POLN: variants seen among roughly 807,000 people sequenced by gnomAD.
POLN encodes DNA polymerase N.
In POLN, 108 loss-of-function variants were observed where a neutral mutation model predicts 113.5. The observed-to-expected ratio is 0.95, with a 90% CI of 0.81 to 1.12. The LOEUF is 1.12. Among genes scored for constraint, POLN ranks in the 50% most tolerant of loss-of-function variants. The pLI is 0.00. For missense variants in POLN, 1,097 were observed against 1,077.1 expected (o/e 1.02, Z -0.26); for synonymous variants, 386 against 391.5 (o/e 0.99, Z 0.17).
intron 16 of POLN, among the ~76,000 whole-genome samples, chr4:2,150,403 C>T (rs1425015942): frequency 1.3e-5 from 2 of 151,970 alleles, no homozygotes; most frequent in East Asian, 3.9e-4. Context: ...GCCAATTCTC[C>T]CCAGATTGAG....
chr4:2,123,624 CAAAAA>C (rs771462226), intron 19 of POLN, among the ~76,000 whole-genome samples: 4 of 54,954 alleles, frequency 7.3e-5, no homozygotes, highest in Admixed American at 2.2e-4. Context: ...GACCCTGTCT[CAAAAA>C]AAAAAAAAAA....
At chr4:2,079,879 C>G in intron 23 of POLN, 1 of 985,604 alleles carries the variant, frequency 1.0e-6, no homozygotes, top group Non-Finnish European at 1.2e-6. Context: ...GCCACTGTGC[C>G]CAGCCGAGAG....
intron 19 of POLN, among the ~76,000 whole-genome samples, chr4:2,114,737 T>C (rs927338575): frequency 1.5e-4 from 23 of 152,210 alleles, no homozygotes; most frequent in African/African-American, 5.3e-4. Flanking sequence ...TTTAACCCAT[T>C]TGGGATTTGG....
chr4:2,147,599 T>C (rs915506098), intron 16 of POLN, among the ~76,000 whole-genome samples: 27 of 150,466 alleles, frequency 1.8e-4, no homozygotes, highest in Non-Finnish European at 3.5e-4. Context: ...TTTGAGACAC[T>C]GAAAGACAAT....
chr4:2,072,944 G>C (rs779695188), intron 25 of POLN, 24 bp downstream of exon 25: 1 of 1,611,308 alleles, frequency 6.2e-7, no homozygotes, highest in Non-Finnish European at 8.5e-7. Context: ...CCGGAAGACC[G>C]GGCAGGCTTA....
At chr4:2,073,090 A>G (rs1730191839) in intron 24 of POLN, 61 bp from the exon 25 acceptor site, 1 of 1,550,692 alleles carries the variant, frequency 6.4e-7, no homozygotes. Flanking sequence ...CTGGGAGCCG[A>G]AGATAAGAGA....
chr4:2,112,547 C>A (rs1731221096), intron 19 of POLN, among the ~76,000 whole-genome samples: 1 of 152,094 alleles, frequency 6.6e-6, no homozygotes, highest in Admixed American at 6.6e-5. Context: ...AAGGAAAAAA[C>A]AAACAACCCC....
intron 6 of POLN, among the ~76,000 whole-genome samples, chr4:2,193,749 G>C (rs1246525915): frequency 6.6e-6 from 1 of 152,030 alleles, no homozygotes; most frequent in African/African-American, 2.4e-5. Context: ...TTTGCTCCTG[G>C]GTCACTGTAT....
intron 9 of POLN, among the ~76,000 whole-genome samples, chr4:2,174,966 G>T (rs1262066744): frequency 1.3e-5 from 2 of 151,916 alleles, no homozygotes; most frequent in Admixed American, 1.3e-4. Flanking sequence ...AGGACTACAG[G>T]CACCCCCCAC....
intron 7 of POLN, among the ~76,000 whole-genome samples, 181 bp downstream of exon 7, chr4:2,193,023 A>T (rs952947377): frequency 6.6e-6 from 1 of 152,146 alleles, no homozygotes; most frequent in Non-Finnish European, 1.5e-5. Flanking sequence ...AAATTCAAAT[A>T]ACCTAGAAAC....
chr4:2,091,016 A>G (rs1245239798), intron 20 of POLN, among the ~76,000 whole-genome samples: 1 of 152,252 alleles, frequency 6.6e-6, no homozygotes, highest in Non-Finnish European at 1.5e-5. Flanking sequence ...CTGTCCCCAC[A>G]GCATCAACTG....
At chr4:2,199,746 T>C (rs967749047) in intron 5 of POLN, among the ~76,000 whole-genome samples, 6 of 148,210 alleles carry the variant, frequency 4.0e-5, no homozygotes, top group African/African-American at 1.3e-4. Context: ...CCAGCTAATT[T>C]TTTTTGTATT....
chr4:2,187,683 A>C (rs1733313989), intron 7 of POLN, among the ~76,000 whole-genome samples: 1 of 152,122 alleles, frequency 6.6e-6, no homozygotes, highest in African/African-American at 2.4e-5. Flanking sequence ...AAGCCCCCAA[A>C]GGTCAAGGAC....
chr4:2,083,845 G>A (rs913998460), intron 21 of POLN, among the ~76,000 whole-genome samples: 2 of 152,200 alleles, frequency 1.3e-5, no homozygotes, highest in African/African-American at 4.8e-5. Context: ...GAGCGGTGGA[G>A]GCAGCAGTCC....
Position 2,241,672 on chromosome 4 carries a change from C to A in POLN, c.-165G>T, listed in dbSNP as rs960491731. On this transcript the variant is annotated 5_prime_UTR_variant, in exon 2 of 26. Coordinates refer to ENST00000511885, the MANE Select transcript of POLN (RefSeq NM_181808.4). Reference sequence around the variant, plus strand: ...AGGCAGCCCCGACGCCAGGGCCGCGCGAACCCCAGAGGCAGCGGCAAGCCC... The same window carrying A: ...AGGCAGCCCCGACGCCAGGGCCGCGAGAACCCCAGAGGCAGCGGCAAGCCC... 69 of 985,356 alleles carry A rather than the reference C, an allele frequency of 7.0e-5. No homozygotes were observed. The highest frequency in any genetic ancestry group is 8.2e-5 in the Non-Finnish European group (68 of 829,954). The allele number at this position is 985,356 out of a possible 1,614,324, so 61.0% of individuals were successfully genotyped here. A position where few individuals can be genotyped will look rare whatever the true frequency, so the allele number is the denominator to read the frequency against.
chr4:2,180,787 T>C (rs981947476), intron 7 of POLN, among the ~76,000 whole-genome samples: 2 of 152,156 alleles, frequency 1.3e-5, no homozygotes, highest in Admixed American at 1.3e-4. Flanking sequence ...GTCCCTATAA[T>C]CTCTTGCAAC....
chr4:2,240,526 C>G, intron 2 of POLN: 1 of 1,613,746 alleles, frequency 6.2e-7, no homozygotes, highest in Non-Finnish European at 8.5e-7. Context: ...GCTTCTTCTT[C>G]TTTAGCATTT....
chr4:2,159,160 T>G lies in POLN; in HGVS notation c.1606A>C (p.Arg536=), dbSNP rs748368064. 6.2e-7 allele frequency: 1 copy of G among 1,606,006 alleles called. No homozygotes were observed. Among genetic ancestry groups the G allele is most frequent in the Middle Eastern group, 1.7e-4 (1 of 6,044 alleles). ...HPLPKIILEY[R]QVHKIKSTFV... is the part of the protein sequence containing the mutation. ...GTACAAAAAAATTAACTTACCTGCC[T>G]GTATTCCAAAATTATCTTGGGTAAT... The change falls in exon 14 of 26, where the codon AGG becomes CGG. Residue 536 remains arginine (R), a synonymous_variant. Transcript: ENST00000511885.
chr4:2,120,403 T>C (rs1389084460), intron 19 of POLN, among the ~76,000 whole-genome samples: 1 of 151,584 alleles, frequency 6.6e-6, no homozygotes, highest in Non-Finnish European at 1.5e-5. Context: ...TCTTGAATTC[T>C]TTGATTCCTT....
Sources: gnomAD v4.1 joint callset for allele counts (sites outside exome capture counted in the v4.1 genomes callset) on GRCh38, gnomAD v4.1.1 for gene constraint, MANE v1.5 for transcripts, NCBI Gene and HGNC (gene_info 2026-07-23, HGNC 2026-07-21) for gene names.